Variants in TENM2 observed in about 807,000 individuals in gnomAD.
The protein encoded by TENM2 is teneurin transmembrane protein 2.
Under a neutral mutation model 245.2 loss-of-function variants are expected in TENM2, and 52 were observed. That is an observed-to-expected ratio of 0.21 (90% CI 0.17 to 0.27). The LOEUF is 0.27. Among genes scored for constraint, TENM2 ranks in the 10% least tolerant of loss-of-function variants. The pLI, the probability that TENM2 is intolerant of heterozygous loss-of-function variation, is 1.00. For synonymous variants in TENM2, 1,363 were observed against 1,438.9 expected (o/e 0.95, Z 1.19); for missense variants, 3,046 against 3,666.8 (o/e 0.83, Z 4.37).
At chr5:167,092,245 G>T in the TENM2 span, among the ~76,000 whole-genome samples, 4 of 152,214 alleles carry the variant, frequency 2.6e-5, no homozygotes, top group African/African-American at 9.6e-5. Flanking sequence ...GTCCATAAAT[G>T]AGGTTTTATG....
intron 1 of TENM2, among the ~76,000 whole-genome samples, chr5:167,323,440 G>GTA (rs1756887220): frequency 6.6e-6 from 1 of 152,106 alleles, no homozygotes. Context: ...TGTTATATGT[G>GTA]TATATATGTA....
intron 13 of TENM2, among the ~76,000 whole-genome samples, chr5:168,174,433 G>A (rs967466986): frequency 6.6e-6 from 1 of 152,162 alleles, no homozygotes; most frequent in African/African-American, 2.4e-5. Flanking sequence ...GTTAATGGAT[G>A]CAAAACAGTC....
At chr5:167,364,152 A>G (rs1346671612) in intron 1 of TENM2, among the ~76,000 whole-genome samples, 1 of 151,984 alleles carries the variant, frequency 6.6e-6, no homozygotes, top group Non-Finnish European at 1.5e-5. Flanking sequence ...GTGAATAAAT[A>G]TATAAAAGAG....
chr5:167,008,137 A>G, the TENM2 span, among the ~76,000 whole-genome samples: 1 of 152,180 alleles, frequency 6.6e-6, no homozygotes, highest in Non-Finnish European at 1.5e-5. Context: ...GGGGAACTCA[A>G]ACTAAGACAC....
At chr5:167,437,699 G>C (rs1336267569) in intron 2 of TENM2, among the ~76,000 whole-genome samples, 1 of 151,922 alleles carries the variant, frequency 6.6e-6, no homozygotes, top group East Asian at 1.9e-4. Flanking sequence ...TTGAATTACG[G>C]CTGCGGGTCT....
the TENM2 span, among the ~76,000 whole-genome samples, chr5:167,049,145 A>G: frequency 2.0e-5 from 3 of 152,320 alleles, no homozygotes; most frequent in Middle Eastern, 3.4e-3. Flanking sequence ...GACCCTAACA[A>G]TGTAAGCTAC....
intron 9 of TENM2, among the ~76,000 whole-genome samples, chr5:168,109,276 A>C (rs573112039): frequency 6.6e-6 from 1 of 152,204 alleles, no homozygotes; most frequent in African/African-American, 2.4e-5. Flanking sequence ...ACAGCAACTG[A>C]GCAGACACCC....
At chr5:167,496,419 T>C (rs889415564) in intron 2 of TENM2, among the ~76,000 whole-genome samples, 1 of 152,114 alleles carries the variant, frequency 6.6e-6, no homozygotes, top group African/African-American at 2.4e-5. Context: ...AGACTAAAAC[T>C]CCTCCTGAAC....
the TENM2 span, among the ~76,000 whole-genome samples, chr5:167,243,731 C>T: frequency 6.6e-6 from 1 of 152,164 alleles, no homozygotes; most frequent in Admixed American, 6.6e-5. Context: ...ATCCTCCTAA[C>T]ACATCTCCGT....
chr5:167,076,539 G>A, the TENM2 span, among the ~76,000 whole-genome samples: 1 of 152,158 alleles, frequency 6.6e-6, no homozygotes, highest in African/African-American at 2.4e-5. Context: ...GTGGCGTGAT[G>A]TGTGGATTTA....
At chr5:167,278,732 A>G in the TENM2 span, among the ~76,000 whole-genome samples, 1 of 152,160 alleles carries the variant, frequency 6.6e-6, no homozygotes, top group Admixed American at 6.5e-5. Flanking sequence ...TATTTATAAT[A>G]TAACTTATTA....
At chr5:167,345,355 T>C (rs1375757519) in intron 1 of TENM2, among the ~76,000 whole-genome samples, 1 of 152,206 alleles carries the variant, frequency 6.6e-6, no homozygotes, top group East Asian at 1.9e-4. Flanking sequence ...TAGCTTTCAA[T>C]GGGGACACAA....
At chr5:168,029,340 C>T (rs752940389) in intron 5 of TENM2, among the ~76,000 whole-genome samples, 4 of 152,158 alleles carry the variant, frequency 2.6e-5, no homozygotes, top group Non-Finnish European at 5.9e-5. Flanking sequence ...AACCTGCCTT[C>T]ATAGCCTTCA....
intron 2 of TENM2, among the ~76,000 whole-genome samples, chr5:167,747,369 A>G (rs1761663038): frequency 1.3e-5 from 2 of 152,190 alleles, no homozygotes; most frequent in Admixed American, 6.6e-5. Context: ...CAATTTCTCT[A>G]TCAAGGCTGG....
intron 1 of TENM2, among the ~76,000 whole-genome samples, chr5:167,286,477 A>C (rs144179912): frequency 6.6e-6 from 1 of 152,216 alleles, no homozygotes; most frequent in Admixed American, 6.5e-5. Flanking sequence ...AAAAATATGA[A>C]GAATCATGGC....
chr5:168,181,334 G>A (rs995094914), intron 13 of TENM2, among the ~76,000 whole-genome samples: 2 of 152,210 alleles, frequency 1.3e-5, no homozygotes, highest in African/African-American at 4.8e-5. Flanking sequence ...TGGCTTCAAG[G>A]TACAGTCTAT....
At position 167,317,584 on chromosome 5, in the gene TENM2, A is replaced by G. The variant is rs908708843; in HGVS notation, c.226+32521A>G. On this transcript the variant is annotated intron_variant, in intron 1 of 28. Coordinates refer to ENST00000518659, the Ensembl canonical transcript of TENM2. ...TCCACATCTCCATCTCTGTAACTCC[A>G]CTGTCAAGAGCAATCTCTTAGGCAC... Among the ~76,000 whole-genome samples the G allele has an allele frequency of 3.3e-5, 5 of 152,250 alleles. No individual in the cohort carries two copies. The East Asian group carries it at 7.7e-4, about 24-fold the overall frequency.
intron 3 of TENM2, among the ~76,000 whole-genome samples, chr5:167,894,823 A>C (rs1266695203): frequency 6.6e-6 from 1 of 152,172 alleles, no homozygotes; most frequent in East Asian, 1.9e-4. Context: ...TAAAAAGCAA[A>C]CAACCAAAAA....
At chr5:168,259,626 A>T (rs1359646617) in intron 27 of TENM2, among the ~76,000 whole-genome samples, 1 of 152,166 alleles carries the variant, frequency 6.6e-6, no homozygotes, top group African/African-American at 2.4e-5. Context: ...AAAGCCTCTC[A>T]TGGTCCAGAG....
Sources: gnomAD v4.1 joint callset for allele counts (sites outside exome capture counted in the v4.1 genomes callset) on GRCh38, gnomAD v4.1.1 for gene constraint, MANE v1.5 for transcripts, NCBI Gene and HGNC (gene_info 2026-07-23, HGNC 2026-07-21) for gene names.